The following SBNO2 variants were observed in gnomAD, a reference collection of about 807,000 sequenced individuals.
SBNO2 encodes protein strawberry notch homolog 2.
SBNO2 carries 89 observed loss-of-function variants against 146.3 expected under a neutral mutation model. The ratio of observed to expected loss-of-function variants is 0.61; its 90% CI spans 0.51 to 0.73. The LOEUF (loss-of-function observed/expected upper bound fraction) is 0.73. SBNO2 is among the 30% of genes least tolerant of loss of function. The probability of loss-of-function intolerance (pLI) is 0.00; values close to 1 mark genes in which losing one functional copy is unlikely to be tolerated. For synonymous variants in SBNO2, 1,147 were observed against 892.6 expected (o/e 1.29, Z -5.08); for missense variants, 2,092 against 2,003.7 (o/e 1.04, Z -0.84).
chr19:1,151,325 C>T (rs1599869379), intron 2 of SBNO2, among the ~76,000 whole-genome samples: 3 of 152,096 alleles, frequency 2.0e-5, no homozygotes, highest in South Asian at 2.1e-4. Flanking sequence ...GGTCGCAGGG[C>T]GGGAGGATCC....
At chr19:1,128,360 G>C (rs557379682) in intron 4 of SBNO2, 3 of 343,800 alleles carry the variant, frequency 8.7e-6, no homozygotes, top group Non-Finnish European at 1.7e-5. Flanking sequence ...ACACACACAC[G>C]CGCTGCCCAG....
intron 4 of SBNO2, 44 bp from the exon 5 acceptor site, chr19:1,127,809 C>A (rs563905207): frequency 5.7e-6 from 9 of 1,588,460 alleles, no homozygotes; most frequent in Admixed American, 1.7e-5. Context: ...ACGGGAGACA[C>A]CAAGGCCCCT....
At chr19:1,166,067 C>T (rs1426803557) in intron 1 of SBNO2, among the ~76,000 whole-genome samples, 1 of 90,880 alleles carries the variant, frequency 1.1e-5, no homozygotes, top group Non-Finnish European at 2.5e-5. Flanking sequence ...GACCCCAGAC[C>T]CCCAGATCTC....
At chr19:1,169,644 G>A (rs2080459109) in intron 1 of SBNO2, among the ~76,000 whole-genome samples, 1 of 151,608 alleles carries the variant, frequency 6.6e-6, no homozygotes, top group Admixed American at 6.6e-5. Context: ...CAGGACAGCT[G>A]CCCATCACCC....
At position 1,144,697 on chromosome 19, in the gene SBNO2, CAGAG is replaced by C. The variant is rs982944361; in HGVS notation, c.279+2608_279+2611del. 7.2e-6 allele frequency among the ~76,000 whole-genome samples: 1 copy of C among 138,834 alleles called. No individual in the cohort carries two copies. The highest frequency in any genetic ancestry group is 1.6e-5 in the Non-Finnish European group (1 of 63,782). 91.1% of individuals were successfully genotyped at this position (138,834 alleles called of 152,430 possible). On this transcript the variant is annotated intron_variant, in intron 4 of 31. Coordinates refer to ENST00000361757, the MANE Select transcript of SBNO2 (RefSeq NM_014963.3). This position sits in a 1 kb window ranked among gnomAD's most constrained non-coding sequence, Gnocchi z 4.1. Reference sequence around the variant, plus strand: ...ACGAAGACAGAGAGGGCGACAGAGACAGAGAGGGAAACAGACACAGAGGCAGAGA... The same window carrying C: ...ACGAAGACAGAGAGGGCGACAGAGACAGGGAAACAGACACAGAGGCAGAGA...
Position 1,158,442 on chromosome 19 carries a change from G to A in SBNO2, c.-126-4040C>T, listed in dbSNP as rs778010432. ...GCCACGCTGTGCCCACGTTCGCGAC[G>A]GCAAAGCGGAGACCCTGAGAAGACA... On this transcript the variant is annotated intron_variant, in intron 1 of 31. Coordinates refer to ENST00000361757, the MANE Select transcript of SBNO2 (RefSeq NM_014963.3). This position sits in a 1 kb window ranked among gnomAD's most constrained non-coding sequence, Gnocchi z 9.9. Among the ~76,000 whole-genome samples the A allele has an allele frequency of 2.8e-4, 42 of 152,254 alleles. No individual in the cohort carries two copies. Among genetic ancestry groups the A allele is most frequent in the Non-Finnish European group, 5.3e-4 (36 of 68,022 alleles).
At position 1,158,474 on chromosome 19, in the gene SBNO2, G is replaced by A. The variant is rs553494106; in HGVS notation, c.-126-4072C>T. ...CGGAGACCCTGAGAAGACACTGGCC[G>A]CAGAGCCATAACCGAGACCACGGGA... On this transcript the variant is annotated intron_variant, in intron 1 of 31. Transcript: ENST00000361757. This position sits in a 1 kb window ranked among gnomAD's most constrained non-coding sequence, Gnocchi z 9.9. 1.9e-4 allele frequency among the ~76,000 whole-genome samples: 29 copies of A among 152,098 alleles called. No individual in the cohort carries two copies. Among genetic ancestry groups the A allele is most frequent in the Non-Finnish European group, 3.5e-4 (24 of 68,002 alleles).
In SBNO2 at chr19:1,110,332, C is replaced by A; in HGVS notation, c.3028+413G>T. ...CGGCCTTTCGTTCACAACAATGTAG[C>A]AGGTGCCCCGTGAAGCCTGGGGATG... On this transcript the variant is annotated intron_variant, in intron 26 of 31. Coordinates refer to ENST00000361757, the MANE Select transcript of SBNO2 (RefSeq NM_014963.3). This position sits in a 1 kb window ranked among gnomAD's most constrained non-coding sequence, Gnocchi z 4.9. 6.6e-6 allele frequency among the ~76,000 whole-genome samples: 1 copy of A among 152,142 alleles called. No individual in the cohort carries two copies. Among genetic ancestry groups the A allele is most frequent in the East Asian group, 1.9e-4 (1 of 5,196 alleles).
chr19:1,113,647 T>G lies in SBNO2; in HGVS notation c.2135A>C (p.Glu712Ala). The G allele has an allele frequency of 6.3e-7, 1 of 1,597,726 alleles. No homozygotes were observed. Among genetic ancestry groups the G allele is most frequent in the Non-Finnish European group, 8.5e-7 (1 of 1,173,420 alleles). The change falls in exon 19 of 32, where the codon GAG (glutamate) becomes GCG (alanine). Residue 712 changes from glutamate to alanine, a missense_variant. Physicochemically the swap from Glu to Ala is moderately radical, Grantham distance 107. Coordinates refer to ENST00000361757, the MANE Select transcript of SBNO2 (RefSeq NM_014963.3). The stretch of plus-strand genomic sequence containing the variant: ...GTCCAGCAGATCCTGCTTCAGCCGC[T>G]CCACCCGCTCCAGGACCCCGGGGCC... Reference protein sequence around the residue: ...PHGPGVLERVERLKQDLLDKV... With the variant: ...PHGPGVLERVARLKQDLLDKV...
At chr19:1,130,906 C>T (rs964200053) in intron 4 of SBNO2, among the ~76,000 whole-genome samples, 1 of 152,222 alleles carries the variant, frequency 6.6e-6, no homozygotes, top group Non-Finnish European at 1.5e-5. Flanking sequence ...CTTCCCAGCA[C>T]AGGACACCCC....
rs1266190551 is a variant in SBNO2 at position 1,144,363 on chromosome 19, C to G, written c.279+2946G>C. Among the ~76,000 whole-genome samples the G allele has an allele frequency of 6.6e-6, 1 of 152,186 alleles. No homozygotes were observed. Among genetic ancestry groups the G allele is most frequent in the Non-Finnish European group, 1.5e-5 (1 of 68,034 alleles). On this transcript the variant is annotated intron_variant, in intron 4 of 31. Transcript: ENST00000361757. The surrounding 1 kb of genome is among the most constrained non-coding windows in gnomAD (Gnocchi z 4.1). ...GGAGATTTGGGTCCAAGCTGCCCCA[C>G]ATACGGACGCTGGAGCATGAGGCGG... is the stretch of plus-strand genomic sequence containing the variant.
rs891112129 is a variant in SBNO2, at chr19:1,140,579, C to G, written c.279+6730G>C. Among the ~76,000 whole-genome samples the G allele has an allele frequency of 6.6e-6, 1 of 151,666 alleles. No homozygotes were observed. Among genetic ancestry groups the G allele is most frequent in the African/African-American group, 2.4e-5 (1 of 41,340 alleles). ...CACGGTGGATGCCAGCAGCGGCATC[C>G]TGGCGCAGCGTGAGCCCCAGGGGTG... On this transcript the variant is annotated intron_variant, in intron 4 of 31. Coordinates refer to ENST00000361757, the MANE Select transcript of SBNO2 (RefSeq NM_014963.3). The surrounding 1 kb of genome is among the most constrained non-coding windows in gnomAD (Gnocchi z 4.4).
chr19:1,166,119 C>T (rs1217031723), intron 1 of SBNO2, among the ~76,000 whole-genome samples: 1 of 108,554 alleles, frequency 9.2e-6, no homozygotes, highest in Admixed American at 1.0e-4. Flanking sequence ...TCTCAGACCC[C>T]AGATCCCAGA....
At position 1,110,621 on chromosome 19, in the gene SBNO2, G is replaced by A. The variant is rs934990859; in HGVS notation, c.3028+124C>T. ...CACCCGGGATGCACGGTGTTCCCAC[G>A]AGCCCCTCGCCCACCCGGGATGCCC... On this transcript the variant is annotated intron_variant, in intron 26 of 31. Transcript: ENST00000361757. This position sits in a 1 kb window ranked among gnomAD's most constrained non-coding sequence, Gnocchi z 4.9. 2.2e-5 allele frequency: 27 copies of A among 1,203,448 alleles called. No individual in the cohort carries two copies. Among genetic ancestry groups the A allele is most frequent in the African/African-American group, 6.5e-5 (4 of 61,166 alleles). 74.5% of individuals were successfully genotyped at this position (1,203,448 alleles called of 1,614,324 possible).
intron 5 of SBNO2, 137 bp from the exon 6 acceptor site, chr19:1,124,159 G>A (rs774383716): frequency 5.6e-5 from 45 of 803,242 alleles, no homozygotes; most frequent in Middle Eastern, 3.4e-4. Context: ...AGGGCCCTGG[G>A]TCTTGCTCTC....
intron 19 of SBNO2, 27 bp downstream of exon 19, chr19:1,113,506 CCA>C (rs1381125095): frequency 9.6e-6 from 15 of 1,570,036 alleles, no homozygotes; most frequent in Non-Finnish European, 1.3e-5. Context: ...GCCCCGCCCA[CCA>C]CACTCCAGCT....
Position 1,123,581 on chromosome 19 carries a change from T to C in SBNO2, c.581A>G (p.Glu194Gly). The change falls in exon 7 of 32, where the codon GAG (glutamate) becomes GGG (glycine). Residue 194 changes from glutamate to glycine, a missense_variant. Coordinates refer to ENST00000361757, the MANE Select transcript of SBNO2 (RefSeq NM_014963.3). ...GTAGGTCTCTGTGTGCCCCAGCTCCTCCGCCTCCTCCTCCTCAGCCTCGTC... is the reference window on the plus strand; with the variant it reads ...GTAGGTCTCTGTGTGCCCCAGCTCCCCCGCCTCCTCCTCCTCAGCCTCGTC... ...EEDEAEEEEAEELGHTETYAD... is the reference protein window; with the variant it reads ...EEDEAEEEEAGELGHTETYAD... 1.2e-6 allele frequency: 2 copies of C among 1,613,544 alleles called. No individual in the cohort carries two copies. Among genetic ancestry groups the C allele is most frequent in the Non-Finnish European group, 1.7e-6 (2 of 1,179,786 alleles).
At chr19:1,120,093 C>T in intron 11 of SBNO2, 70 bp from the exon 12 acceptor site, 1 of 1,232,140 alleles carries the variant, frequency 8.1e-7, no homozygotes, top group Admixed American at 2.1e-5. Context: ...GTCCTGACCA[C>T]CCAAGACCCC....
chr19:1,108,449 A>G lies in SBNO2; in HGVS notation c.3872T>C (p.Leu1291Pro). 8.1e-7 allele frequency: 1 copy of G among 1,237,650 alleles called. No homozygotes were observed. Among genetic ancestry groups the G allele is most frequent in the Non-Finnish European group, 1.0e-6 (1 of 985,474 alleles). 76.7% of individuals were successfully genotyped at this position (1,237,650 alleles called of 1,614,324 possible). A position where few individuals can be genotyped will look rare whatever the true frequency, so the allele number is the denominator to read the frequency against. ...GTCGGCCTGGGCGTCGGGGGTGCCC[A>G]GCGGCACGACGCCGGGGCCGGCGTC... ...SLDAGPGVVPLGTPDAQADPA... is the reference protein window; with the variant it reads ...SLDAGPGVVPPGTPDAQADPA... Residue 1291 changes from leucine (L) to proline (P), a missense_variant, in exon 32 of 32, where the codon CTG (leucine) becomes CCG (proline). Transcript: ENST00000361757.
Sources: gnomAD v4.1 joint callset for allele counts (sites outside exome capture counted in the v4.1 genomes callset) on GRCh38, gnomAD v4.1.1 for gene constraint, Gnocchi (gnomAD v3.1) non-coding constraint, MANE v1.5 for transcripts, NCBI Gene and HGNC (gene_info 2026-07-23, HGNC 2026-07-21) for gene names.